The following ACOD1 variants were observed in gnomAD, a reference collection of about 807,000 sequenced individuals.
The protein encoded by ACOD1 is aconitate decarboxylase 1, also known as cis-aconitate decarboxylase.
ACOD1 carries 14 observed loss-of-function variants against 14.2 expected under a neutral mutation model. The ratio of observed to expected loss-of-function variants is 0.99; its 90% CI spans 0.65 to 1.54. ACOD1 has a LOEUF of 1.54. Ranked by LOEUF, ACOD1 falls within the 40% of genes most tolerant of loss-of-function variation. The probability of loss-of-function intolerance (pLI) is 0.00; values close to 1 mark genes in which losing one functional copy is unlikely to be tolerated. For missense variants in ACOD1, 530 were observed against 586.3 expected (o/e 0.90, Z 0.99); for synonymous variants, 182 against 221.7 (o/e 0.82, Z 1.59).
At chr13:76,955,893 C>T (rs2033870647) in intron 4 of ACOD1, among the ~76,000 whole-genome samples, 1 of 152,224 alleles carries the variant, frequency 6.6e-6, no homozygotes, top group South Asian at 2.1e-4. Context: ...GACTGTTCAT[C>T]CTGCAGATAA....
chr13:76,952,677 G>C, intron 2 of ACOD1, 27 bp downstream of exon 2: 3 of 1,542,128 alleles, frequency 1.9e-6, no homozygotes, highest in Middle Eastern at 1.8e-4. Context: ...CTACATTAGA[G>C]ATAAAACCCA....
rs777703787 is a variant in ACOD1 at position 76,957,234 on chromosome 13, ACAAGCAGGTCTTGG to A, written c.696_709del (p.Asn232LysfsTer36). 6.4e-6 allele frequency: 10 copies of A among 1,550,654 alleles called. No individual in the cohort carries two copies. Among genetic ancestry groups the A allele is most frequent in the Non-Finnish European group, 8.7e-6 (10 of 1,146,998 alleles). On this transcript the variant is annotated frameshift_variant, in exon 5 of 5. Transcript: ENST00000377462. LOFTEE classifies it low-confidence loss of function (END_TRUNC). ...TTGGCAATGTTGGGTCTCCAAGGAAACAAGCAGGTCTTGGACTTGGAGGCAGGATTTGGGGCCTT... is the reference window on the plus strand; with the variant it reads ...TTGGCAATGTTGGGTCTCCAAGGAAAACTTGGAGGCAGGATTTGGGGCCTT...
At chr13:76,950,712 CT>C in intron 1 of ACOD1, among the ~76,000 whole-genome samples, 1 of 152,264 alleles carries the variant, frequency 6.6e-6, no homozygotes, top group Admixed American at 6.5e-5. Context: ...TTCACTGCCC[CT>C]GTCTACCCCT....
Position 76,958,035 on chromosome 13 carries a change from G to T in ACOD1, c.*50G>T. 2 of 1,443,762 alleles carry T rather than the reference G, an allele frequency of 1.4e-6. No individual in the cohort carries two copies. The highest frequency in any genetic ancestry group is 1.5e-5 in the South Asian group (1 of 67,402). The allele number at this position is 1,443,762 out of a possible 1,614,324, so 89.4% of individuals were successfully genotyped here. A position where few individuals can be genotyped will look rare whatever the true frequency, so the allele number is the denominator to read the frequency against. On this transcript the variant is annotated 3_prime_UTR_variant, in exon 5 of 5. Transcript: ENST00000377462. ...TGCATTTGGGGAGATTCAATGATTTGGTTTGTAAAGCAAGGGTCTGCTGCT... is the reference window on the plus strand; with the variant it reads ...TGCATTTGGGGAGATTCAATGATTTTGTTTGTAAAGCAAGGGTCTGCTGCT...
At chr13:76,949,054 A>G (rs1383146269) in intron 1 of ACOD1, among the ~76,000 whole-genome samples, 1 of 152,046 alleles carries the variant, frequency 6.6e-6, no homozygotes, top group Non-Finnish European at 1.5e-5. Flanking sequence ...TCACGAGATC[A>G]GGGGAGATCG....
chr13:76,957,335 C>T lies in ACOD1; in HGVS notation c.796C>T (p.Gln266Ter). 1 of 1,550,650 alleles carries T rather than the reference C, an allele frequency of 6.4e-7. No homozygotes were observed. Among genetic ancestry groups the T allele is most frequent in the Non-Finnish European group, 8.7e-7 (1 of 1,147,008 alleles). ...AGCTTCCTACAGTTGGCTGCTGGAC[C>T]AGCAGGACGTGGCCTTTAAGCGTTT... Reference protein sequence around the residue: ...SIASYSWLLDQQDVAFKRFPA... With the variant: ...SIASYSWLLD Residue 266 changes from glutamine to a stop codon, truncating the protein, a stop_gained, in exon 5 of 5, where the codon CAG becomes TAG. Coordinates refer to ENST00000377462, the MANE Select transcript of ACOD1 (RefSeq NM_001258406.2). LOFTEE classifies it low-confidence loss of function (END_TRUNC).
rs1390750066 is a variant in ACOD1, at chr13:76,957,260, G to C, written c.721G>C (p.Gly241Arg). The C allele has an allele frequency of 7.0e-5, 108 of 1,550,526 alleles. No individual in the cohort carries two copies. Among genetic ancestry groups the C allele is most frequent in the Non-Finnish European group, 8.8e-5 (101 of 1,147,010 alleles). ...CAAGCAGGTCTTGGACTTGGAGGCA[G>C]GATTTGGGGCCTTTTATGCCAACTA... ...GNKQVLDLEA[G>R]FGAFYANYSP... is the part of the protein sequence containing the mutation. Residue 241 changes from glycine to arginine, a missense_variant, in exon 5 of 5, where the codon GGA becomes CGA. Physicochemically the swap from Gly to Arg is moderately radical, Grantham distance 125. Transcript: ENST00000377462.
chr13:76,955,638 A>G (rs1439241488), intron 4 of ACOD1, 114 bp downstream of exon 4: 1 of 863,312 alleles, frequency 1.2e-6, no homozygotes, highest in Non-Finnish European at 1.8e-6. Context: ...TGTTAACATT[A>G]GCACAGGTAG....
chr13:76,957,271 C>T lies in ACOD1; in HGVS notation c.732C>T (p.Ala244=). 6.4e-7 allele frequency: 1 copy of T among 1,550,620 alleles called. No homozygotes were observed. The highest frequency in any genetic ancestry group is 8.7e-7 in the Non-Finnish European group (1 of 1,147,006). Residue 244 remains alanine, a synonymous_variant, in exon 5 of 5, where the codon GCC becomes GCT. Coordinates refer to ENST00000377462, the MANE Select transcript of ACOD1 (RefSeq NM_001258406.2). ...TGGACTTGGAGGCAGGATTTGGGGC[C>T]TTTTATGCCAACTATTCCCCAAAAG... ...QVLDLEAGFG[A]FYANYSPKVL...
At chr13:76,953,809 A>T (rs1223122037) in intron 3 of ACOD1, 120 bp downstream of exon 3, 3 of 674,270 alleles carry the variant, frequency 4.4e-6, no homozygotes, top group Non-Finnish European at 8.0e-6. Context: ...AAAGTCAGAC[A>T]GATAAAGTGG....
chr13:76,955,499 A>G lies in ACOD1; in HGVS notation c.445A>G (p.Lys149Glu), dbSNP rs1322011301. 1 of 1,550,574 alleles carries G rather than the reference A, an allele frequency of 6.4e-7. No individual in the cohort carries two copies. Among genetic ancestry groups the G allele is most frequent in the African/African-American group, 1.4e-5 (1 of 73,072 alleles). Residue 149 changes from lysine (K) to glutamate (E), a missense_variant, in exon 4 of 5, where the codon AAG becomes GAG. Transcript: ENST00000377462. ...GCAAGGCCGATTACTGCATTTCGCCAAGGAGGCCAATGACATGCCAAAGAG... is the reference window on the plus strand; with the variant it reads ...GCAAGGCCGATTACTGCATTTCGCCGAGGAGGCCAATGACATGCCAAAGAG... ...EVQGRLLHFA[K>E]EANDMPKRFH... is the part of the protein sequence containing the mutation.
chr13:76,951,246 T>A lies in ACOD1; in HGVS notation c.13-1243T>A, dbSNP rs536656300. ...TGATATCAATATATTGAATTTTTTTTATTAAGATGAGAGGAGTCTCACTCT... is the reference window on the plus strand; with the variant it reads ...TGATATCAATATATTGAATTTTTTTAATTAAGATGAGAGGAGTCTCACTCT... On this transcript the variant is annotated intron_variant, in intron 1 of 4. Coordinates refer to ENST00000377462, the MANE Select transcript of ACOD1 (RefSeq NM_001258406.2). Among the ~76,000 whole-genome samples, 456 of 152,340 alleles carry A rather than the reference T, an allele frequency of 3.0e-3. 4 individuals carry two copies. The highest frequency in any genetic ancestry group is 0.01 in the African/African-American group (423 of 41,578).
chr13:76,951,396 C>T (rs1226517822), intron 1 of ACOD1, among the ~76,000 whole-genome samples: 3 of 152,134 alleles, frequency 2.0e-5, no homozygotes, highest in East Asian at 3.9e-4. Context: ...CCACCACACC[C>T]GGCTAATTTT....
intron 1 of ACOD1, among the ~76,000 whole-genome samples, chr13:76,951,976 G>C (rs1234021388): frequency 6.6e-6 from 1 of 152,186 alleles, no homozygotes; most frequent in Non-Finnish European, 1.5e-5. Context: ...CCACCTAAAA[G>C]CTGTGAAAAT....
At position 76,953,630 on chromosome 13, in the gene ACOD1, TG is replaced by T. The variant is rs1299589549; in HGVS notation, c.209del (p.Gly70ValfsTer15). ...IYSSNISSTV[W>X]GQPDIRLPPT... ...CAGTTCCAACATATCCAGCACTGTT[TG>T]GGGTCAGCCAGACATCAGGCTCCCG... On this transcript the variant is annotated frameshift_variant, in exon 3 of 5. Coordinates refer to ENST00000377462, the MANE Select transcript of ACOD1 (RefSeq NM_001258406.2). LOFTEE classifies it high-confidence loss of function. 7.1e-6 allele frequency: 11 copies of T among 1,550,076 alleles called. No homozygotes were observed. The highest frequency in any genetic ancestry group is 9.6e-6 in the Non-Finnish European group (11 of 1,146,234).
Position 76,957,575 on chromosome 13 carries a change from G to A in ACOD1, c.1036G>A (p.Gly346Ser). 6.4e-7 allele frequency: 1 copy of A among 1,550,612 alleles called. No homozygotes were observed. Among genetic ancestry groups the A allele is most frequent in the South Asian group, 1.2e-5 (1 of 84,066 alleles). The change falls in exon 5 of 5, where the codon GGC (glycine) becomes AGC (serine). Residue 346 changes from glycine (G) to serine (S), a missense_variant. By Grantham distance (56) the Gly-to-Ser change is moderately conservative (BLOSUM62 0). Coordinates refer to ENST00000377462, the MANE Select transcript of ACOD1 (RefSeq NM_001258406.2). Reference sequence around the variant, plus strand: ...GGCCTGTGCCATGCTGCTTGATGGTGGCATCACTGTCCCCTCATTCCATGA... The same window carrying A: ...GGCCTGTGCCATGCTGCTTGATGGTAGCATCACTGTCCCCTCATTCCATGA... ...YVACAMLLDG[G>S]ITVPSFHECQ... is the part of the protein sequence containing the mutation.
rs1184386281 is a variant in ACOD1, at chr13:76,957,422, G to C, written c.883G>C (p.Val295Leu). 3.2e-6 allele frequency: 5 copies of C among 1,550,666 alleles called. No individual in the cohort carries two copies. The South Asian group carries it at 4.8e-5, about 15-fold the overall frequency. Residue 295 changes from valine (V) to leucine (L), a missense_variant, in exon 5 of 5, where the codon GTA (valine) becomes CTA (leucine). By Grantham distance (32) the Val-to-Leu change is conservative. Coordinates refer to ENST00000377462, the MANE Select transcript of ACOD1 (RefSeq NM_001258406.2). ...DAAASVRKHL[V>L]AERALLPTDY... is the part of the protein sequence containing the mutation. The stretch of plus-strand genomic sequence containing the variant: ...AGCTGCATCTGTGAGAAAGCACCTT[G>C]TAGCAGAGAGAGCCCTGCTTCCAAC...
At chr13:76,948,967 C>T (rs1222545322) in intron 1 of ACOD1, among the ~76,000 whole-genome samples, 2 of 152,142 alleles carry the variant, frequency 1.3e-5, no homozygotes, top group African/African-American at 4.8e-5. Flanking sequence ...GTGCTGGACT[C>T]ATAGTAAGAA....
intron 1 of ACOD1, among the ~76,000 whole-genome samples, chr13:76,950,184 C>A (rs2033809106): frequency 6.6e-6 from 1 of 152,104 alleles, no homozygotes; most frequent in African/African-American, 2.4e-5. Flanking sequence ...TCAAAGAACC[C>A]CAGATACCCC....
Sources: allele counts gnomAD v4.1 joint callset (sites outside exome capture counted in the v4.1 genomes callset), GRCh38; gene constraint gnomAD v4.1.1; transcripts MANE v1.5; gene names NCBI Gene and HGNC (gene_info 2026-07-23, HGNC 2026-07-21).